DPEP2: variants seen among roughly 807,000 people sequenced by gnomAD.
DPEP2 encodes dipeptidase 2.
A neutral mutation model predicts 51.8 loss-of-function variants in DPEP2; 45 were observed. The observed-to-expected ratio is 0.87, with a 90% confidence interval of 0.68 to 1.11. The LOEUF (loss-of-function observed/expected upper bound fraction) is 1.11. DPEP2 is among the 50% of genes most tolerant of loss of function. The pLI, the probability that DPEP2 is intolerant of heterozygous loss-of-function variation, is 0.00. For synonymous variants in DPEP2, 255 were observed against 262.7 expected (o/e 0.97, Z 0.28); for missense variants, 604 against 631.9 (o/e 0.96, Z 0.47).
At position 67,993,121 on chromosome 16, in the gene DPEP2, G is replaced by T; in HGVS notation, c.92C>A (p.Thr31Asn). The T allele has an allele frequency of 6.4e-7, 1 of 1,556,158 alleles. No individual in the cohort carries two copies. Among genetic ancestry groups the T allele is most frequent in the Non-Finnish European group, 8.7e-7 (1 of 1,149,298 alleles). ...LLLLLLLQPVTCAYTTPGPPR... is the reference protein window; with the variant it reads ...LLLLLLLQPVNCAYTTPGPPR... ...GGGGCCTGGCGTGGTGTAGGCACAGGTTACAGGCTGGAGCAGCAGCAGCAG... is the reference window on the plus strand; with the variant it reads ...GGGGCCTGGCGTGGTGTAGGCACAGTTTACAGGCTGGAGCAGCAGCAGCAG... Residue 31 changes from threonine (T) to asparagine (N), a missense_variant, in exon 2 of 11, where the codon ACC becomes AAC. Transcript: ENST00000393847.
At chr16:67,989,181 C>G (rs2031811074) in intron 9 of DPEP2, 142 bp downstream of exon 9, 1 of 887,738 alleles carries the variant, frequency 1.1e-6, no homozygotes, top group South Asian at 1.6e-5. Context: ...AGTGGGGTCA[C>G]TGGGATGAAG....
intron 9 of DPEP2, 76 bp downstream of exon 9, chr16:67,989,247 C>A: frequency 6.6e-7 from 1 of 1,520,248 alleles, no homozygotes; most frequent in Non-Finnish European, 9.1e-7. Context: ...GCCTAAAGGA[C>A]GTGATGGCTA....
At position 67,992,137 on chromosome 16, in the gene DPEP2, G is replaced by C; in HGVS notation, c.447C>G (p.Thr149=). The C allele has an allele frequency of 6.2e-7, 1 of 1,614,182 alleles. No homozygotes were observed. The highest frequency in any genetic ancestry group is 8.5e-7 in the Non-Finnish European group (1 of 1,180,036). ...GGCGTATGAGGTCAATCTGCTCCAG[G>C]GTGAGGCGCAGGGCATCCCGGTCCT... is the stretch of plus-strand genomic sequence containing the variant. ...QTQDRDALRL[T]LEQIDLIRRM... The change falls in exon 4 of 11, where the codon ACC becomes ACG. Residue 149 remains threonine, a synonymous_variant. Transcript: ENST00000393847.
In DPEP2 at chr16:67,991,965, G is replaced by T; in HGVS notation, c.535C>A (p.Gln179Lys). ...ACACCGATGAGGCAGGCCAATTTCT[G>T]AGTGTCGTTCAGAGCTGGGGGCAGG... ...VTSAKALNDTQKLACLIGVEG... is the reference protein window; with the variant it reads ...VTSAKALNDTKKLACLIGVEG... The change falls in exon 5 of 11, where the codon CAG becomes AAG. Residue 179 changes from glutamine (Q) to lysine (K), a missense_variant. By Grantham distance (53) the Gln-to-Lys change is moderately conservative. Transcript: ENST00000393847. This position sits in a 1 kb window ranked among gnomAD's most constrained non-coding sequence, Gnocchi z 5.1. 1.9e-6 allele frequency: 3 copies of T among 1,614,236 alleles called. No individual in the cohort carries two copies. The highest frequency in any genetic ancestry group is 2.5e-6 in the Non-Finnish European group (3 of 1,180,040).
At position 67,997,681 on chromosome 16, in the gene DPEP2, G is replaced by A. The variant is rs534100822; in HGVS notation, c.-46+1694C>T. Among the ~76,000 whole-genome samples, 3 of 152,298 alleles carry A rather than the reference G, an allele frequency of 2.0e-5. No individual in the cohort carries two copies. The South Asian group carries it at 6.2e-4, about 32-fold the overall frequency. On this transcript the variant is annotated intron_variant, in intron 1 of 10. Coordinates refer to ENST00000393847, the MANE Select transcript of DPEP2 (RefSeq NM_022355.4). ...CACATTTTTTAAAATGGAAGAAATAGGTATGGCTTTTCTGTAGGGAATGGG... is the reference window on the plus strand; with the variant it reads ...CACATTTTTTAAAATGGAAGAAATAAGTATGGCTTTTCTGTAGGGAATGGG...
intron 1 of DPEP2, chr16:67,994,158 C>T (rs935931289): frequency 4.1e-6 from 4 of 985,430 alleles, no homozygotes; most frequent in Non-Finnish European, 4.8e-6. Context: ...GCCGCAGCAC[C>T]TTCCTCCTAG....
chr16:67,996,524 G>A (rs1403141143), intron 1 of DPEP2, among the ~76,000 whole-genome samples: 1 of 151,948 alleles, frequency 6.6e-6, no homozygotes, highest in African/African-American at 2.4e-5. Context: ...TGGAATTACA[G>A]GCATGTGCCA....
At position 67,991,947 on chromosome 16, in the gene DPEP2, T is replaced by A. The variant is rs139782026; in HGVS notation, c.553A>T (p.Ile185Phe). ...LNDTQKLACL[I>F]GVEGGHSLDN... ...AGCGAGTGGCCACCCTCTACACCGATGAGGCAGGCCAATTTCTGAGTGTCG... is the reference window on the plus strand; with the variant it reads ...AGCGAGTGGCCACCCTCTACACCGAAGAGGCAGGCCAATTTCTGAGTGTCG... The change falls in exon 5 of 11, where the codon ATC (isoleucine) becomes TTC (phenylalanine). Residue 185 changes from isoleucine to phenylalanine, a missense_variant. By Grantham distance (21) the Ile-to-Phe change is conservative (BLOSUM62 0). Coordinates refer to ENST00000393847, the MANE Select transcript of DPEP2 (RefSeq NM_022355.4). The surrounding 1 kb of genome is among the most constrained non-coding windows in gnomAD (Gnocchi z 5.1). 7.6e-5 allele frequency: 123 copies of A among 1,614,202 alleles called. No individual in the cohort carries two copies. The highest frequency in any genetic ancestry group is 6.6e-4 in the Middle Eastern group (4 of 6,062).
chr16:67,989,558 G>T (rs1235503848), intron 8 of DPEP2, among the ~76,000 whole-genome samples, 160 bp from the exon 9 acceptor site: 2 of 152,164 alleles, frequency 1.3e-5, no homozygotes, highest in Non-Finnish European at 2.9e-5. Flanking sequence ...GAACCCTGAG[G>T]TTTGACCTGA....
Position 67,991,824 on chromosome 16 carries a change from T to A in DPEP2, c.662+14A>T. On this transcript the variant is annotated intron_variant, in intron 5 of 10. Coordinates refer to ENST00000393847, the MANE Select transcript of DPEP2 (RefSeq NM_022355.4). The surrounding 1 kb of genome is among the most constrained non-coding windows in gnomAD (Gnocchi z 5.1). ...CCTGCCTCAGCGGTCCCACACCATCTGCACTAGGCTCACCAGGGTGTGTTG... is the reference window on the plus strand; with the variant it reads ...CCTGCCTCAGCGGTCCCACACCATCAGCACTAGGCTCACCAGGGTGTGTTG... 4 of 1,613,550 alleles carry A rather than the reference T, an allele frequency of 2.5e-6. No individual in the cohort carries two copies. The highest frequency in any genetic ancestry group is 3.4e-6 in the Non-Finnish European group (4 of 1,179,624).
intron 1 of DPEP2, 146 bp from the exon 2 acceptor site, chr16:67,993,403 C>A (rs535188633): frequency 2.7e-4 from 347 of 1,262,112 alleles, no homozygotes; most frequent in Middle Eastern, 9.1e-4. Context: ...CCGCCCAGTA[C>A]GGCCACCAGG....
At chr16:67,997,754 G>A (rs917704130) in intron 1 of DPEP2, among the ~76,000 whole-genome samples, 8 of 152,230 alleles carry the variant, frequency 5.3e-5, no homozygotes, top group Admixed American at 5.2e-4. Context: ...GGGCCTGTAA[G>A]GGGGAGAAGC....
At chr16:67,992,762 T>C in intron 2 of DPEP2, 126 bp from the exon 3 acceptor site, 1 of 1,511,118 alleles carries the variant, frequency 6.6e-7, no homozygotes, top group Admixed American at 2.0e-5. Context: ...TGAGATCCCC[T>C]GAGGCCCGGG....
Position 67,991,198 on chromosome 16 carries a change from A to G in DPEP2, c.663-14T>C. The G allele has an allele frequency of 6.2e-6, 10 of 1,612,376 alleles. No individual in the cohort carries two copies. Among genetic ancestry groups the G allele is most frequent in the Non-Finnish European group, 8.5e-6 (10 of 1,179,988 alleles). ...GAGCTCTCTGCCCTGCAGGGTGGCCAGGAAGCAGTCTGACTGGTAGCTGTT... is the reference window on the plus strand; with the variant it reads ...GAGCTCTCTGCCCTGCAGGGTGGCCGGGAAGCAGTCTGACTGGTAGCTGTT... On this transcript the variant is annotated splice_polypyrimidine_tract_variant and intron_variant, in intron 5 of 10. Coordinates refer to ENST00000393847, the MANE Select transcript of DPEP2 (RefSeq NM_022355.4). The surrounding 1 kb of genome is among the most constrained non-coding windows in gnomAD (Gnocchi z 5.1).
At chr16:67,996,772 G>A (rs1035179716) in intron 1 of DPEP2, among the ~76,000 whole-genome samples, 4 of 151,948 alleles carry the variant, frequency 2.6e-5, no homozygotes, top group Non-Finnish European at 4.4e-5. Flanking sequence ...GCAGAGGCAG[G>A]CTGAGTTGAG....
Position 67,987,498 on chromosome 16 carries a change from C to A in DPEP2, c.*8G>T. On this transcript the variant is annotated 3_prime_UTR_variant, in exon 11 of 11. Transcript: ENST00000393847. Reference sequence around the variant, plus strand: ...CTACAGTGACATCTGGCAGGACTAACTGGGTCATCAGAGCCACAGAATAAG... The same window carrying A: ...CTACAGTGACATCTGGCAGGACTAAATGGGTCATCAGAGCCACAGAATAAG... 1 of 1,603,770 alleles carries A rather than the reference C, an allele frequency of 6.2e-7. No homozygotes were observed. The highest frequency in any genetic ancestry group is 8.5e-7 in the Non-Finnish European group (1 of 1,171,426).
Position 67,991,862 on chromosome 16 carries a change from A to G in DPEP2, c.638T>C (p.Leu213Pro), listed in dbSNP as rs1274219623. The G allele has an allele frequency of 1.2e-6, 2 of 1,614,110 alleles. No homozygotes were observed. Among genetic ancestry groups the G allele is most frequent in the South Asian group, 1.1e-5 (1 of 91,082 alleles). ...FYMLGVRYLT[L>P]THTCNTPWAE... ...CCAGGGTGTGTTGCAGGTGTGGGTG[A>G]GCGTCAGGTAGCGCACTCCCAGCAT... Residue 213 changes from leucine to proline, a missense_variant, in exon 5 of 11, where the codon CTC becomes CCC. Coordinates refer to ENST00000393847, the MANE Select transcript of DPEP2 (RefSeq NM_022355.4). This position sits in a 1 kb window ranked among gnomAD's most constrained non-coding sequence, Gnocchi z 5.1.
At chr16:68,000,013 A>G (rs2032933162), upstream of DPEP2, among the ~76,000 whole-genome samples, 1 of 152,128 alleles carries the variant, frequency 6.6e-6, no homozygotes, top group South Asian at 2.1e-4. Flanking sequence ...CAACTCATGG[A>G]GAGTCTGCTC....
chr16:67,991,987 C>A lies in DPEP2; in HGVS notation c.521-8G>T. Reference sequence around the variant, plus strand: ...TCTGAGTGTCGTTCAGAGCTGGGGGCAGGTAGGTCAGGTGATTACTTTCCA... The same window carrying A: ...TCTGAGTGTCGTTCAGAGCTGGGGGAAGGTAGGTCAGGTGATTACTTTCCA... On this transcript the variant is annotated splice_region_variant and splice_polypyrimidine_tract_variant and intron_variant, in intron 4 of 10. Transcript: ENST00000393847. This position sits in a 1 kb window ranked among gnomAD's most constrained non-coding sequence, Gnocchi z 5.1. 1 of 1,614,064 alleles carries A rather than the reference C, an allele frequency of 6.2e-7. No individual in the cohort carries two copies. The highest frequency in any genetic ancestry group is 8.5e-7 in the Non-Finnish European group (1 of 1,179,978).
Sources: allele counts gnomAD v4.1 joint callset (sites outside exome capture counted in the v4.1 genomes callset), GRCh38; gene constraint gnomAD v4.1.1; non-coding constraint Gnocchi (gnomAD v3.1); transcripts MANE v1.5; gene names NCBI Gene and HGNC (gene_info 2026-07-23, HGNC 2026-07-21).